Variants in SIPA1L1 observed in about 807,000 individuals in gnomAD.
The protein encoded by SIPA1L1 is signal induced proliferation associated 1 like 1.
A neutral mutation model predicts 162.7 loss-of-function variants in SIPA1L1; 26 were observed. The ratio of observed to expected loss-of-function variants is 0.16; its 90% CI spans 0.12 to 0.22. SIPA1L1 has a LOEUF of 0.22. SIPA1L1 is among the 10% of genes least tolerant of loss of function. The probability of loss-of-function intolerance (pLI) is 1.00; values close to 1 mark genes in which losing one functional copy is unlikely to be tolerated. For missense variants in SIPA1L1, 1,874 were observed against 2,241.0 expected (o/e 0.84, Z 3.31); for synonymous variants, 829 against 837.4 (o/e 0.99, Z 0.17).
chr14:71,701,145 GCAAAAATT>G (rs1451026363), intron 14 of SIPA1L1, among the ~76,000 whole-genome samples: 1 of 151,814 alleles, frequency 6.6e-6, no homozygotes, highest in East Asian at 1.9e-4. Context: ...ATAAATTGAG[GCAAAAATT>G]CAGTGACTTT....
At chr14:71,519,071 G>C (rs1481266508) in intron 3 of SIPA1L1, among the ~76,000 whole-genome samples, 1 of 152,126 alleles carries the variant, frequency 6.6e-6, no homozygotes, top group Non-Finnish European at 1.5e-5. Context: ...AATTCTGGGA[G>C]ATACAATTCA....
chr14:71,540,865 G>A (rs535800702), intron 4 of SIPA1L1, among the ~76,000 whole-genome samples: 4 of 152,320 alleles, frequency 2.6e-5, no homozygotes, highest in African/African-American at 7.2e-5. Context: ...GGTGGCTCAG[G>A]CCTGTAATCC....
intron 16 of SIPA1L1, among the ~76,000 whole-genome samples, chr14:71,706,646 A>G (rs553068558): frequency 1.3e-5 from 2 of 152,360 alleles, no homozygotes; most frequent in Admixed American, 1.3e-4. Flanking sequence ...TTATTACAGC[A>G]CTTAGTAAGT....
intron 13 of SIPA1L1, among the ~76,000 whole-genome samples, chr14:71,688,880 G>C (rs1596996127): frequency 6.6e-6 from 1 of 152,170 alleles, no homozygotes; most frequent in Non-Finnish European, 1.5e-5. Context: ...TTCTCCTGTA[G>C]GTTAGGGAAA....
Position 71,359,825 on chromosome 14 carries a change from A to G in SIPA1L1, c.-465+38644A>G, listed in dbSNP as rs373889270. On this transcript the variant is annotated intron_variant, in intron 2 of 23. Coordinates refer to ENST00000381232, the MANE Select transcript of SIPA1L1 (RefSeq NM_001386936.1). ...AGAGTCATGAGATTATGCAGATATT[A>G]TCAATGGAACTGGTTCTTTAGATCT... 7.9e-5 allele frequency among the ~76,000 whole-genome samples: 12 copies of G among 152,350 alleles called. No homozygotes were observed. In the East Asian group the frequency reaches 9.6e-4, roughly 12 times the overall value.
At chr14:71,394,721 A>G (rs552246288) in intron 2 of SIPA1L1, among the ~76,000 whole-genome samples, 1 of 152,358 alleles carries the variant, frequency 6.6e-6, no homozygotes, top group Non-Finnish European at 1.5e-5. Context: ...AACATTGTAG[A>G]TACTCCTGAA....
chr14:71,421,333 C>T (rs773397318), intron 2 of SIPA1L1, among the ~76,000 whole-genome samples: 1 of 152,112 alleles, frequency 6.6e-6, no homozygotes, highest in African/African-American at 2.4e-5. Context: ...TGGCTCACGC[C>T]TGTAACCCCA....
rs2051295236 is a variant in SIPA1L1, at chr14:71,512,811, C to T, written c.-396C>T. On this transcript the variant is annotated 5_prime_UTR_variant, in exon 3 of 24. Coordinates refer to ENST00000381232, the MANE Select transcript of SIPA1L1 (RefSeq NM_001386936.1). ...TTAAAGGTCTGATCATCAATTGTCT[C>T]TCTGGGCGGCCACCTATGAGACTTC... 6.6e-6 allele frequency: 1 copy of T among 152,450 alleles called. No homozygotes were observed. Among genetic ancestry groups the T allele is most frequent in the African/African-American group, 2.4e-5 (1 of 41,424 alleles). The allele number at this position is 152,450 out of a possible 1,614,324, so 9.4% of individuals were successfully genotyped here.
chr14:71,642,156 T>G (rs140260970), intron 7 of SIPA1L1, among the ~76,000 whole-genome samples: 1 of 152,306 alleles, frequency 6.6e-6, no homozygotes, highest in Non-Finnish European at 1.5e-5. Context: ...TTTATAATGT[T>G]GGACATCAGG....
intron 2 of SIPA1L1, among the ~76,000 whole-genome samples, chr14:71,338,060 C>G (rs994610768): frequency 2.6e-5 from 4 of 152,232 alleles, no homozygotes; most frequent in Non-Finnish European, 5.9e-5. Context: ...CCTTTTCCCT[C>G]TGGGCACCAG....
chr14:71,445,775 T>A (rs1001608641), intron 2 of SIPA1L1, among the ~76,000 whole-genome samples: 5 of 152,236 alleles, frequency 3.3e-5, no homozygotes, highest in Non-Finnish European at 7.3e-5. Context: ...TGTACCAAAG[T>A]AAGTAATTTA....
At chr14:71,471,599 A>G (rs1026994662) in intron 2 of SIPA1L1, among the ~76,000 whole-genome samples, 1 of 152,232 alleles carries the variant, frequency 6.6e-6, no homozygotes, top group Non-Finnish European at 1.5e-5. Context: ...AGACAGGGAA[A>G]CAAACAGAGA....
At chr14:71,693,737 T>TA (rs1283628603) in intron 13 of SIPA1L1, among the ~76,000 whole-genome samples, 12 of 149,606 alleles carry the variant, frequency 8.0e-5, no homozygotes, top group South Asian at 6.3e-4. Context: ...TTTTTTTTTT[T>TA]ACATAATTTT....
chr14:71,587,817 A>G lies in SIPA1L1; in HGVS notation c.-56A>G, dbSNP rs896300851. On this transcript the variant is annotated 5_prime_UTR_variant, in exon 5 of 24. The change abolishes the stop of an existing upstream ORF in the 5' untranslated region. Transcript: ENST00000381232. ...TCTCCAAAAGGGAAGTGCACATTTA[A>G]AACACAGATATGATGGTCCTTGCTG... is the stretch of plus-strand genomic sequence containing the variant. 19 of 1,506,728 alleles carry G rather than the reference A, an allele frequency of 1.3e-5. No homozygotes were observed. The highest frequency in any genetic ancestry group is 1.6e-5 in the Non-Finnish European group (18 of 1,113,590). 93.3% of individuals were successfully genotyped at this position (1,506,728 alleles called of 1,614,324 possible).
At chr14:71,569,765 A>C (rs1044502609) in intron 4 of SIPA1L1, among the ~76,000 whole-genome samples, 3 of 152,218 alleles carry the variant, frequency 2.0e-5, no homozygotes, top group African/African-American at 7.2e-5. Flanking sequence ...TTGCCCATGA[A>C]CACTGGATGT....
intron 2 of SIPA1L1, among the ~76,000 whole-genome samples, chr14:71,433,645 C>T (rs772944177): frequency 1.1e-4 from 16 of 152,108 alleles, no homozygotes; most frequent in Non-Finnish European, 2.2e-4. Flanking sequence ...AGCATGCTGT[C>T]CATGAGTTTT....
intron 4 of SIPA1L1, among the ~76,000 whole-genome samples, chr14:71,536,644 A>T (rs1343443932): frequency 6.6e-6 from 1 of 152,266 alleles, no homozygotes; most frequent in Non-Finnish European, 1.5e-5. Context: ...TGTCAGCAGC[A>T]AGAACATAGC....
At chr14:71,607,869 CTTTG>C (rs1426281256) in intron 5 of SIPA1L1, among the ~76,000 whole-genome samples, 1 of 152,174 alleles carries the variant, frequency 6.6e-6, no homozygotes, top group Non-Finnish European at 1.5e-5. Context: ...TTTCTGTGCT[CTTTG>C]TTTGGCATTC....
intron 4 of SIPA1L1, among the ~76,000 whole-genome samples, chr14:71,584,166 A>G (rs533027455): frequency 1.3e-5 from 2 of 152,186 alleles, no homozygotes; most frequent in Non-Finnish European, 2.9e-5. Context: ...GTAGTGGGCA[A>G]AAAGAGGCAA....
Sources: gnomAD v4.1 joint callset for allele counts (sites outside exome capture counted in the v4.1 genomes callset) on GRCh38, gnomAD v4.1.1 for gene constraint, MANE v1.5 for transcripts, NCBI Gene and HGNC (gene_info 2026-07-23, HGNC 2026-07-21) for gene names.